Variants in DGKH observed in about 807,000 individuals in gnomAD.
The protein encoded by DGKH is DAG kinase eta.
Under a neutral mutation model 159.3 loss-of-function variants are expected in DGKH, and 90 were observed. The observed-to-expected ratio is 0.57, with a 90% CI of 0.48 to 0.67. The LOEUF (loss-of-function observed/expected upper bound fraction) is 0.67. Ranked by LOEUF, DGKH falls within the 30% of genes least tolerant of loss-of-function variation. The probability of loss-of-function intolerance (pLI) is 0.00; values close to 1 mark genes in which losing one functional copy is unlikely to be tolerated. For synonymous variants in DGKH, 536 were observed against 553.8 expected (o/e 0.97, Z 0.45); for missense variants, 1,181 against 1,506.1 (o/e 0.78, Z 3.57).
At chr13:42,164,031 A>G (rs1043108605) in intron 7 of DGKH, among the ~76,000 whole-genome samples, 98 of 152,116 alleles carry the variant, frequency 6.4e-4, no homozygotes, top group African/African-American at 2.4e-3. Context: ...TCTTGAATTG[A>G]TTTTTGTATA....
intron 5 of DGKH, among the ~76,000 whole-genome samples, chr13:42,158,103 C>T (rs1956088980): frequency 6.6e-6 from 1 of 152,200 alleles, no homozygotes; most frequent in African/African-American, 2.4e-5. Context: ...TTTAACCATC[C>T]ATTTGTACAT....
Position 42,241,946 on chromosome 13 carries a change from A to T in DGKH, c.*12758A>T, listed in dbSNP as rs1566235189. The T allele has an allele frequency of 6.6e-6, 1 of 152,208 alleles. No homozygotes were observed. The highest frequency in any genetic ancestry group is 1.5e-5 in the Non-Finnish European group (1 of 68,038). 9.4% of individuals were successfully genotyped at this position (152,208 alleles called of 1,614,324 possible). On this transcript the variant is annotated 3_prime_UTR_variant, in exon 30 of 30. Transcript: ENST00000337343. ...TTTATTGTCAGTAAGTGTGGAAAAA[A>T]ACCCGACTTGTATGTGTATTCACAG...
Position 42,194,921 on chromosome 13 carries a change from G to A in DGKH, c.2072G>A (p.Ser691Asn). The A allele has an allele frequency of 1.9e-6, 3 of 1,614,020 alleles. No individual in the cohort carries two copies. The highest frequency in any genetic ancestry group is 1.3e-5 in the African/African-American group (1 of 75,032). The change falls in exon 17 of 30, where the codon AGT (serine) becomes AAT (asparagine). Residue 691 changes from serine to asparagine, a missense_variant. Coordinates refer to ENST00000337343, the MANE Select transcript of DGKH (RefSeq NM_178009.5). ...CCTCGGTCTCCAGATGCCCGGGCAA[G>A]TTATGGCCATTCCCAAACTGATTCT... is the stretch of plus-strand genomic sequence containing the variant. Reference protein sequence around the residue: ...TAPRSPDARASYGHSQTDSVP... With the variant: ...TAPRSPDARANYGHSQTDSVP...
intron 28 of DGKH, among the ~76,000 whole-genome samples, chr13:42,220,009 C>T (rs977474719): frequency 6.6e-6 from 1 of 152,102 alleles, no homozygotes; most frequent in African/African-American, 2.4e-5. Flanking sequence ...CCTCTCATAC[C>T]TAAAACACAT....
At chr13:42,197,691 A>G (rs1459204058) in intron 17 of DGKH, among the ~76,000 whole-genome samples, 1 of 152,182 alleles carries the variant, frequency 6.6e-6, no homozygotes, top group Non-Finnish European at 1.5e-5. Flanking sequence ...AGCCTAGGTG[A>G]GAGAGTGAGA....
intron 1 of DGKH, among the ~76,000 whole-genome samples, chr13:42,125,333 AAC>A (rs1430329041): frequency 1.3e-5 from 2 of 152,186 alleles, no homozygotes; most frequent in Non-Finnish European, 2.9e-5. Flanking sequence ...TCATAATAAT[AAC>A]ACTTTCTGCC....
intron 1 of DGKH, among the ~76,000 whole-genome samples, chr13:42,111,941 A>G (rs1177814258): frequency 1.3e-5 from 2 of 152,158 alleles, no homozygotes; most frequent in Non-Finnish European, 2.9e-5. Context: ...GCATGGCAGG[A>G]TGGAATACTG....
chr13:42,214,753 T>G (rs943375883), intron 25 of DGKH, 141 bp downstream of exon 25: 7 of 566,438 alleles, frequency 1.2e-5, no homozygotes, highest in Non-Finnish European at 1.6e-5. Context: ...AGTAAAATCG[T>G]GGACAACTTT....
intron 9 of DGKH, among the ~76,000 whole-genome samples, chr13:42,167,096 C>T (rs1956332552): frequency 6.6e-6 from 1 of 152,084 alleles, no homozygotes; most frequent in Non-Finnish European, 1.5e-5. Context: ...TCAAGGATCT[C>T]AGACTCAGTT....
At chr13:42,194,852 T>C (rs1186607156) in intron 16 of DGKH, 33 bp from the exon 17 acceptor site, 2 of 1,597,884 alleles carry the variant, frequency 1.3e-6, no homozygotes, top group Non-Finnish European at 1.7e-6. Context: ...GCTTTATCAT[T>C]ATCTCTTTTT....
intron 17 of DGKH, 29 bp downstream of exon 17, chr13:42,195,045 T>C: frequency 1.2e-6 from 2 of 1,603,304 alleles, no homozygotes; most frequent in Non-Finnish European, 1.7e-6. Flanking sequence ...CATCGTGTAT[T>C]TTTCAGTATT....
At chr13:42,192,349 A>T (rs1404348747) in intron 16 of DGKH, among the ~76,000 whole-genome samples, 3 of 152,160 alleles carry the variant, frequency 2.0e-5, no homozygotes, top group African/African-American at 7.2e-5. Flanking sequence ...GTCATTCTTT[A>T]TATTGGGCTT....
chr13:42,043,771 G>A (rs1205221134), upstream of DGKH: 1 of 151,914 alleles, frequency 6.6e-6, no homozygotes, highest in Non-Finnish European at 1.5e-5. Flanking sequence ...AGATCCTGTT[G>A]CATTATCCCT....
chr13:42,164,672 G>A lies in DGKH; in HGVS notation c.856-659G>A, dbSNP rs149368290. Among the ~76,000 whole-genome samples, 74 of 152,272 alleles carry A rather than the reference G, an allele frequency of 4.9e-4. No homozygotes were observed. The East Asian group carries it at 0.014, about 29-fold the overall frequency. On this transcript the variant is annotated intron_variant, in intron 7 of 29. Transcript: ENST00000337343. ...GTTATCCTTGTTTTTGTTCTCAGTA[G>A]TACCTTGCATGACCATGAAACTCAT...
At chr13:42,054,866 T>C (rs2137651467) in intron 1 of DGKH, among the ~76,000 whole-genome samples, 1 of 152,344 alleles carries the variant, frequency 6.6e-6, no homozygotes, top group Non-Finnish European at 1.5e-5. Context: ...CAATTTTTAT[T>C]TGTCAATTAT....
At chr13:42,255,025 T>C (rs1392952446) in intron 30 of DGKH, among the ~76,000 whole-genome samples, 1 of 152,102 alleles carries the variant, frequency 6.6e-6, no homozygotes, top group Non-Finnish European at 1.5e-5. Context: ...ATCTTGTATA[T>C]ATTGGGGTAA....
At chr13:42,074,280 A>T (rs1485884933) in intron 1 of DGKH, among the ~76,000 whole-genome samples, 6 of 152,302 alleles carry the variant, frequency 3.9e-5, no homozygotes, top group African/African-American at 1.4e-4. Flanking sequence ...ATTCTTCAGA[A>T]TATGATTTCT....
At chr13:42,053,492 ATG>A (rs1881492029) in intron 1 of DGKH, among the ~76,000 whole-genome samples, 1 of 145,712 alleles carries the variant, frequency 6.9e-6, no homozygotes, top group Non-Finnish European at 1.5e-5. Context: ...ATATAACTAT[ATG>A]TATAGAACTG....
chr13:42,153,565 C>A (rs1157009726), intron 3 of DGKH, among the ~76,000 whole-genome samples: 1 of 152,138 alleles, frequency 6.6e-6, no homozygotes, highest in Non-Finnish European at 1.5e-5. Flanking sequence ...ATCAGTGAGT[C>A]CAGTGAAACT....
Sources: allele counts gnomAD v4.1 joint callset (sites outside exome capture counted in the v4.1 genomes callset), GRCh38; gene constraint gnomAD v4.1.1; transcripts MANE v1.5; gene names NCBI Gene and HGNC (gene_info 2026-07-23, HGNC 2026-07-21).